FILIP1L: variants seen among roughly 807,000 people sequenced by gnomAD.
The protein encoded by FILIP1L is filamin A-interacting protein 1-like.
A neutral mutation model predicts 96.6 loss-of-function variants in FILIP1L; 55 were observed. The ratio of observed to expected loss-of-function variants is 0.57; its 90% confidence interval spans 0.46 to 0.71. FILIP1L has a LOEUF of 0.71. FILIP1L is among the 30% of genes least tolerant of loss of function. FILIP1L has a pLI of 0.00. For missense variants in FILIP1L, 1,304 were observed against 1,321.2 expected (o/e 0.99, Z 0.20); for synonymous variants, 467 against 473.9 (o/e 0.99, Z 0.19).
chr3:99,869,508 G>A (rs980525693), intron 4 of FILIP1L, among the ~76,000 whole-genome samples: 8 of 152,180 alleles, frequency 5.3e-5, no homozygotes, highest in African/African-American at 1.7e-4. Context: ...ATTCCACAGA[G>A]TAATTCACTT....
chr3:100,090,369 G>A (rs1221758264), intron 1 of FILIP1L, among the ~76,000 whole-genome samples: 1 of 152,190 alleles, frequency 6.6e-6, no homozygotes, highest in Non-Finnish European at 1.5e-5. Flanking sequence ...TGCAAGCATG[G>A]GATTCAATCA....
At chr3:99,834,782 C>T (rs977027074) in intron 5 of FILIP1L, among the ~76,000 whole-genome samples, 2 of 152,178 alleles carry the variant, frequency 1.3e-5, no homozygotes, top group Non-Finnish European at 2.9e-5. Flanking sequence ...GAGCACAAGC[C>T]GTGGAGCCAG....
intron 5 of FILIP1L, among the ~76,000 whole-genome samples, chr3:99,841,201 A>G (rs148834943): frequency 6.6e-5 from 10 of 152,316 alleles, no homozygotes; most frequent in Non-Finnish European, 1.0e-4. Context: ...GATCGTTTCC[A>G]CTCACTTGAT....
intron 1 of FILIP1L, among the ~76,000 whole-genome samples, chr3:99,976,925 A>G (rs1424619048): frequency 6.6e-6 from 1 of 152,152 alleles, no homozygotes; most frequent in African/African-American, 2.4e-5. Context: ...AGGTCCAAGG[A>G]GAAGAGTCTG....
intron 4 of FILIP1L, among the ~76,000 whole-genome samples, chr3:99,882,867 TA>T (rs1379877777): frequency 3.9e-5 from 6 of 152,240 alleles, no homozygotes; most frequent in African/African-American, 1.4e-4. Flanking sequence ...GCATTTGTTT[TA>T]AATTGGAGAT....
At chr3:100,047,126 G>A (rs527660386) in intron 1 of FILIP1L, among the ~76,000 whole-genome samples, 14 of 152,176 alleles carry the variant, frequency 9.2e-5, no homozygotes, top group Non-Finnish European at 1.9e-4. Flanking sequence ...TTTCCTTGTT[G>A]GTAAAATGGG....
intron 1 of FILIP1L, among the ~76,000 whole-genome samples, chr3:99,983,851 C>T (rs1709247776): frequency 6.6e-6 from 1 of 151,898 alleles, no homozygotes; most frequent in African/African-American, 2.4e-5. Context: ...ATGAAATAAA[C>T]TTATAATGTA....
chr3:100,017,732 C>T (rs1710385578), intron 1 of FILIP1L, among the ~76,000 whole-genome samples: 2 of 151,332 alleles, frequency 1.3e-5, no homozygotes, highest in East Asian at 2.0e-4. Context: ...CAAAACCAGC[C>T]GAGGCAACAA....
At chr3:99,938,512 C>A (rs776149724) in intron 1 of FILIP1L, among the ~76,000 whole-genome samples, 2 of 152,148 alleles carry the variant, frequency 1.3e-5, no homozygotes, top group Non-Finnish European at 2.9e-5. Flanking sequence ...ATATTTAACA[C>A]CCCATACTTT....
intron 5 of FILIP1L, among the ~76,000 whole-genome samples, chr3:99,832,905 A>G (rs966686697): frequency 6.9e-6 from 1 of 145,552 alleles, no homozygotes; most frequent in Admixed American, 7.0e-5. Context: ...GACATGTTTC[A>G]GTAAATGAGG....
chr3:99,987,290 A>G (rs949032834), intron 1 of FILIP1L, among the ~76,000 whole-genome samples: 5 of 151,766 alleles, frequency 3.3e-5, no homozygotes, highest in Non-Finnish European at 4.4e-5. Flanking sequence ...GCATTTTGGG[A>G]GGCTGAAGTG....
chr3:99,958,353 A>G (rs1708398542), intron 1 of FILIP1L, among the ~76,000 whole-genome samples: 1 of 151,972 alleles, frequency 6.6e-6, no homozygotes, highest in African/African-American at 2.4e-5. Flanking sequence ...CGGCTTGAGC[A>G]GAGCCATGAA....
intron 1 of FILIP1L, among the ~76,000 whole-genome samples, chr3:100,030,651 C>A (rs1383672907): frequency 6.6e-6 from 1 of 152,078 alleles, no homozygotes; most frequent in African/African-American, 2.4e-5. Context: ...AATCATTGTC[C>A]CCACAACTAA....
At position 99,881,376 on chromosome 3, in the gene FILIP1L, C is replaced by A. The variant is rs182717435; in HGVS notation, c.606-30306G>T. Among the ~76,000 whole-genome samples, 7 of 152,070 alleles carry A rather than the reference C, an allele frequency of 4.6e-5. No individual in the cohort carries two copies. In the East Asian group the frequency reaches 1.3e-3, roughly 29 times the overall value. ...AATGTTGAACTCACAAGTATTACTG[C>A]AGAAGTGAAAAAAAACCCCCAAATC... On this transcript the variant is annotated intron_variant, in intron 4 of 5. Transcript: ENST00000477258.
At chr3:99,952,581 A>G (rs1576596757) in intron 1 of FILIP1L, among the ~76,000 whole-genome samples, 1 of 152,326 alleles carries the variant, frequency 6.6e-6, no homozygotes, top group East Asian at 1.9e-4. Context: ...CTGGTGCTAG[A>G]AAACACTATG....
intron 4 of FILIP1L, among the ~76,000 whole-genome samples, chr3:99,920,769 G>A (rs1285674801): frequency 6.6e-6 from 1 of 152,160 alleles, no homozygotes; most frequent in Non-Finnish European, 1.5e-5. Context: ...CTCCTTTAGG[G>A]TTTTCCACAT....
At chr3:99,970,357 G>A (rs114093938) in intron 1 of FILIP1L, among the ~76,000 whole-genome samples, 219 of 152,346 alleles carry the variant, frequency 1.4e-3, no homozygotes, top group African/African-American at 4.9e-3. Context: ...GGTGTGTGAG[G>A]TGGATGAGAC....
intron 1 of FILIP1L, among the ~76,000 whole-genome samples, chr3:100,033,378 T>C (rs1236137774): frequency 1.3e-5 from 2 of 152,188 alleles, no homozygotes; most frequent in African/African-American, 2.4e-5. Flanking sequence ...CAGCTGCAGC[T>C]CTGGAAGGCT....
At chr3:100,095,377 G>A (rs1242107828) in intron 1 of FILIP1L, among the ~76,000 whole-genome samples, 1 of 152,060 alleles carries the variant, frequency 6.6e-6, no homozygotes, top group Admixed American at 6.5e-5. Context: ...CTTGGGTTCT[G>A]TATCCGTGAA....
Sources: gnomAD v4.1 joint callset for allele counts (sites outside exome capture counted in the v4.1 genomes callset) on GRCh38, gnomAD v4.1.1 for gene constraint, MANE v1.5 for transcripts, NCBI Gene and HGNC (gene_info 2026-07-23, HGNC 2026-07-21) for gene names.